Variants in RYR2 observed in about 807,000 individuals in gnomAD.
RYR2 encodes cardiac muscle ryanodine receptor-calcium release channel.
RYR2 carries 227 observed loss-of-function variants against 601.1 expected under a neutral mutation model. The ratio of observed to expected loss-of-function variants is 0.38; its 90% CI spans 0.34 to 0.42. RYR2 has a LOEUF of 0.42. RYR2 is among the 10% of genes least tolerant of loss of function. RYR2 has a pLI of 1.00. For synonymous variants in RYR2, 2,223 were observed against 2,175.1 expected, an observed-to-expected ratio of 1.02 and a Z score of -0.61; for missense variants, 4,646 against 6,156.5, an observed-to-expected ratio of 0.75 and a Z score of 8.21.
chr1:237,800,732 A>T (rs1659860247), intron 97 of RYR2, among the ~76,000 whole-genome samples: 1 of 152,230 alleles, frequency 6.6e-6, no homozygotes, highest in Non-Finnish European at 1.5e-5. Flanking sequence ...GTTCTGAAAA[A>T]ATGAAAATTA....
intron 16 of RYR2, among the ~76,000 whole-genome samples, chr1:237,466,346 T>G (rs1660083269): frequency 6.6e-6 from 1 of 151,950 alleles, no homozygotes; most frequent in African/African-American, 2.4e-5. Context: ...TTTTAAAAAT[T>G]TTGCACAGAC....
At chr1:237,358,109 A>G (rs1364437473) in intron 4 of RYR2, among the ~76,000 whole-genome samples, 1 of 151,858 alleles carries the variant, frequency 6.6e-6, no homozygotes, top group African/African-American at 2.4e-5. Context: ...GACTATTGAG[A>G]CTCCTCTGTG....
chr1:237,615,489 G>T (rs1678363859), intron 37 of RYR2, among the ~76,000 whole-genome samples: 1 of 152,098 alleles, frequency 6.6e-6, no homozygotes, highest in East Asian at 1.9e-4. Context: ...ACTGCACCCA[G>T]CCACCTTAGT....
rs903232857 is a variant in RYR2, at chr1:237,784,961, G to C, written c.13249G>C (p.Glu4417Gln). 52 of 1,586,696 alleles carry C rather than the reference G, an allele frequency of 3.3e-5. No homozygotes were observed. Among genetic ancestry groups the C allele is most frequent in the Non-Finnish European group, 4.3e-5 (50 of 1,166,322 alleles). The change falls in exon 90 of 105, where the codon GAA becomes CAA. Residue 4417 changes from glutamate (E) to glutamine (Q), a missense_variant. By Grantham distance (29) the Glu-to-Gln change is conservative. Around this residue, in one of 17 missense-constraint regions of RYR2, gnomAD observed 364 missense variants for 442.9 expected, o/e 0.82. Coordinates refer to ENST00000366574, the MANE Select transcript of RYR2 (RefSeq NM_001035.3). The surrounding 1 kb of genome is among the most constrained non-coding windows in gnomAD (Gnocchi z 7.1). ...SNPVPMPEVQ[E>Q]KFQEQKAKEE... Reference sequence around the variant, plus strand: ...CCCAGTCCCCATGCCTGAGGTGCAGGAAAAATTTCAGGTAATTTATCTCTA... The same window carrying C: ...CCCAGTCCCCATGCCTGAGGTGCAGCAAAAATTTCAGGTAATTTATCTCTA...
intron 1 of RYR2, among the ~76,000 whole-genome samples, chr1:237,248,378 G>A (rs893208122): frequency 5.4e-5 from 8 of 148,018 alleles, no homozygotes; most frequent in Admixed American, 6.9e-5. Context: ...TGCATTAGTT[G>A]CTATTTGACT....
At chr1:237,425,004 T>A (rs116836075) in intron 12 of RYR2, among the ~76,000 whole-genome samples, 4,027 of 152,326 alleles carry the variant, frequency 0.026, 78 homozygotes, top group Middle Eastern at 0.044. Context: ...CTCTTAATAA[T>A]GTATTTCATA....
At chr1:237,710,990 C>T (rs1396007774) in intron 70 of RYR2, among the ~76,000 whole-genome samples, 4 of 152,066 alleles carry the variant, frequency 2.6e-5, no homozygotes, top group African/African-American at 9.6e-5. Flanking sequence ...TAGGGGGAGC[C>T]CAGGAAAAAA....
In RYR2 at chr1:237,502,899, T is replaced by C. The variant is rs145349111; in HGVS notation, c.2397-390T>C. On this transcript the variant is annotated intron_variant, in intron 21 of 104. Transcript: ENST00000366574. Reference sequence around the variant, plus strand: ...TCATTCCTTGTTAAATCCTGTAATTTTAAGCATATAGATATTTAGATCAGG... The same window carrying C: ...TCATTCCTTGTTAAATCCTGTAATTCTAAGCATATAGATATTTAGATCAGG... Among the ~76,000 whole-genome samples the C allele has an allele frequency of 5.7e-3, 870 of 152,260 alleles. 20 individuals carry two copies. Among genetic ancestry groups the C allele is most frequent in the Non-Finnish European group, 2.7e-3 (184 of 68,022 alleles).
chr1:237,200,033 G>C (rs543894098), intron 1 of RYR2, among the ~76,000 whole-genome samples: 2 of 152,096 alleles, frequency 1.3e-5, no homozygotes, highest in African/African-American at 2.4e-5. Context: ...CATGTCACCT[G>C]TCTTAGGAAC....
chr1:237,468,610 A>G (rs538779681), intron 16 of RYR2, among the ~76,000 whole-genome samples: 1 of 152,340 alleles, frequency 6.6e-6, no homozygotes, highest in Non-Finnish European at 1.5e-5. Flanking sequence ...ATTTAGTTAT[A>G]TCTCTCTGTA....
intron 2 of RYR2, among the ~76,000 whole-genome samples, chr1:237,318,104 G>T (rs578178481): frequency 6.6e-6 from 1 of 151,820 alleles, no homozygotes; most frequent in East Asian, 1.9e-4. Context: ...TGTATTTTTT[G>T]AGTTATGCTC....
intron 89 of RYR2, among the ~76,000 whole-genome samples, chr1:237,783,430 A>T (rs1317024336): frequency 6.6e-6 from 1 of 152,208 alleles, no homozygotes; most frequent in Admixed American, 6.5e-5. Flanking sequence ...ATTGAGGGGA[A>T]AAATGTCAAC....
chr1:237,658,111 T>A, intron 54 of RYR2, 89 bp downstream of exon 54: 1 of 692,382 alleles, frequency 1.4e-6, no homozygotes, highest in Non-Finnish European at 2.2e-6. Context: ...TTTTCTGTTT[T>A]AAAATGAGAA....
chr1:237,439,209 C>G (rs913744420), intron 12 of RYR2, among the ~76,000 whole-genome samples: 5 of 152,162 alleles, frequency 3.3e-5, no homozygotes, highest in African/African-American at 4.8e-5. Context: ...TTCTCCTAAG[C>G]CTGAGCTACA....
At chr1:237,803,468 T>C (rs1036509510) in intron 98 of RYR2, among the ~76,000 whole-genome samples, 3 of 152,028 alleles carry the variant, frequency 2.0e-5, no homozygotes, top group Non-Finnish European at 1.5e-5. Flanking sequence ...GCCCGGCTAA[T>C]TTTTTGTACT....
intron 46 of RYR2, among the ~76,000 whole-genome samples, chr1:237,639,805 G>A (rs988005407): frequency 1.2e-4 from 19 of 152,072 alleles, no homozygotes; most frequent in Admixed American, 9.8e-4. Flanking sequence ...GTCCTCCAGC[G>A]GGGTCATGCA....
At chr1:237,327,645 AC>A in intron 2 of RYR2, among the ~76,000 whole-genome samples, 1 of 152,334 alleles carries the variant, frequency 6.6e-6, no homozygotes, top group Admixed American at 6.5e-5. Context: ...CCATGCAAGA[AC>A]CGATTTTAAG....
Position 237,801,794 on chromosome 1 carries a change from G to T in RYR2, c.14091-62G>T, listed in dbSNP as rs2794820. ...TGAATGTGAAGGCCGTCAGGCTCTC[G>T]CAAGCCTATGAGTCTTTGGTTAATG... is the stretch of plus-strand genomic sequence containing the variant. On this transcript the variant is annotated intron_variant, in intron 97 of 104. Coordinates refer to ENST00000366574, the MANE Select transcript of RYR2 (RefSeq NM_001035.3). The T allele has an allele frequency of 0.4, 429,271 of 1,063,812 alleles. 90,266 individuals carry two copies. Among genetic ancestry groups the T allele is most frequent in the East Asian group, 0.64 (26,229 of 40,896 alleles). 65.9% of individuals were successfully genotyped at this position (1,063,812 alleles called of 1,614,324 possible).
rs564430557 is a variant in RYR2 at position 237,089,084 on chromosome 1, T to C, written c.48+46515T>C. ...AGGCACCCTCTGGTTTTTTGCCCTTTGCACCTGCTGAGTCTCACCTTTTAA... is the reference window on the plus strand; with the variant it reads ...AGGCACCCTCTGGTTTTTTGCCCTTCGCACCTGCTGAGTCTCACCTTTTAA... On this transcript the variant is annotated intron_variant, in intron 1 of 104. Coordinates refer to ENST00000366574, the MANE Select transcript of RYR2 (RefSeq NM_001035.3). Among the ~76,000 whole-genome samples, 17 of 152,330 alleles carry C rather than the reference T, an allele frequency of 1.1e-4. 2 individuals carry two copies. In the South Asian group the frequency reaches 3.3e-3, roughly 30 times the overall value.
Sources: allele counts gnomAD v4.1 joint callset (sites outside exome capture counted in the v4.1 genomes callset), GRCh38; gene constraint gnomAD v4.1.1; regional missense constraint gnomAD v4.1.1; non-coding constraint Gnocchi (gnomAD v3.1); transcripts MANE v1.5; gene names NCBI Gene and HGNC (gene_info 2026-07-23, HGNC 2026-07-21).